MAP2K5: variants seen among roughly 807,000 people sequenced by gnomAD.
MAP2K5 encodes the protein mitogen-activated protein kinase kinase 5.
Under a neutral mutation model 83.1 loss-of-function variants are expected in MAP2K5, and 49 were observed. The observed-to-expected ratio is 0.59, with a 90% CI of 0.47 to 0.75. The LOEUF (loss-of-function observed/expected upper bound fraction) is 0.75, where lower values mean the gene tolerates loss of function less well. Ranked by LOEUF, MAP2K5 falls within the 30% of genes least tolerant of loss-of-function variation. The pLI is 0.00. For synonymous variants in MAP2K5, 202 were observed against 191.8 expected, an observed-to-expected ratio of 1.05 and a Z score of -0.44; for missense variants, 457 against 557.5, an observed-to-expected ratio of 0.82 and a Z score of 1.82.
In MAP2K5 at chr15:67,638,091, T is replaced by G. The variant is rs910616480; in HGVS notation, c.585+7164T>G. Among the ~76,000 whole-genome samples the G allele has an allele frequency of 9.9e-5, 15 of 152,150 alleles. No individual in the cohort carries two copies. Among genetic ancestry groups the G allele is most frequent in the African/African-American group, 3.6e-4 (15 of 41,434 alleles). On this transcript the variant is annotated intron_variant, in intron 9 of 21. Transcript: ENST00000178640. The surrounding 1 kb of genome is among the most constrained non-coding windows in gnomAD (Gnocchi z 4.5). The stretch of plus-strand genomic sequence containing the variant: ...TAATTTAACTTTTTTAATTTAACTT[T>G]TAAGGGGTACATGTGCAGGTTTGTT...
intron 8 of MAP2K5, among the ~76,000 whole-genome samples, chr15:67,626,946 T>A (rs942745167): frequency 6.6e-5 from 10 of 152,010 alleles, no homozygotes; most frequent in African/African-American, 2.4e-4. Context: ...ATTTTCTATA[T>A]CTTTGAGACA....
intron 3 of MAP2K5, among the ~76,000 whole-genome samples, chr15:67,579,399 T>C (rs1460408709): frequency 3.3e-5 from 5 of 152,220 alleles, no homozygotes; most frequent in Non-Finnish European, 7.3e-5. Flanking sequence ...TGGCGAGTGC[T>C]GTATTTCTGT....
intron 20 of MAP2K5, among the ~76,000 whole-genome samples, chr15:67,771,299 C>T (rs1466903914): frequency 6.6e-6 from 1 of 152,194 alleles, no homozygotes; most frequent in African/African-American, 2.4e-5. Flanking sequence ...GCATCACCCT[C>T]TCTGCTCCGG....
rs1421580678 is a variant in MAP2K5, at chr15:67,573,173, G to A, written c.253-7581G>A. ...TGGGAATGTAGCCCGGGAAGTCCCA[G>A]CCTCATTTTTCCTAGCCCTCACTCA... On this transcript the variant is annotated intron_variant, in intron 3 of 21. Coordinates refer to ENST00000178640, the MANE Select transcript of MAP2K5 (RefSeq NM_145160.3). The surrounding 1 kb of genome is among the most constrained non-coding windows in gnomAD (Gnocchi z 4.2). 6.6e-6 allele frequency among the ~76,000 whole-genome samples: 1 copy of A among 152,100 alleles called. No individual in the cohort carries two copies. Among genetic ancestry groups the A allele is most frequent in the African/African-American group, 2.4e-5 (1 of 41,394 alleles).
intron 17 of MAP2K5, among the ~76,000 whole-genome samples, chr15:67,732,511 T>G (rs908160318): frequency 6.6e-6 from 1 of 152,182 alleles, no homozygotes; most frequent in Non-Finnish European, 1.5e-5. Flanking sequence ...TTGGCTGCAG[T>G]TCCTGATCTT....
intron 8 of MAP2K5, chr15:67,627,721 C>T (rs2086360081): frequency 4.1e-6 from 1 of 245,820 alleles, no homozygotes; most frequent in African/African-American, 2.3e-5. Context: ...TAGAATGTAC[C>T]CTTAAAACAA....
chr15:67,592,303 A>G (rs753759520), intron 6 of MAP2K5, among the ~76,000 whole-genome samples: 22 of 152,174 alleles, frequency 1.4e-4, no homozygotes, highest in Admixed American at 1.2e-3. Context: ...GCTATGGACA[A>G]GACACAGTGC....
At chr15:67,560,436 A>G (rs952075971) in intron 2 of MAP2K5, among the ~76,000 whole-genome samples, 2 of 152,254 alleles carry the variant, frequency 1.3e-5, no homozygotes, top group African/African-American at 4.8e-5. Context: ...GAAAACCAAT[A>G]CCTATATAAA....
At chr15:67,680,167 A>G (rs149152302) in intron 13 of MAP2K5, among the ~76,000 whole-genome samples, 6 of 152,132 alleles carry the variant, frequency 3.9e-5, no homozygotes, top group Non-Finnish European at 5.9e-5. Context: ...ATTCCTTTTT[A>G]TTGTTGAATA....
At chr15:67,700,429 A>G (rs548947823) in intron 15 of MAP2K5, among the ~76,000 whole-genome samples, 1 of 152,350 alleles carries the variant, frequency 6.6e-6, no homozygotes, top group East Asian at 1.9e-4. Flanking sequence ...CACACTGATG[A>G]CAGCTGTCAT....
Position 67,668,280 on chromosome 15 carries a change from T to C in MAP2K5, c.847+3635T>C, listed in dbSNP as rs2087437573. 6.6e-6 allele frequency among the ~76,000 whole-genome samples: 1 copy of C among 152,184 alleles called. No individual in the cohort carries two copies. Among genetic ancestry groups the C allele is most frequent in the East Asian group, 1.9e-4 (1 of 5,200 alleles). ...GCCAGGGAGAGAGTTTATTATACTT[T>C]ATATTACTGAGTCAAAAATTATGAA... On this transcript the variant is annotated intron_variant, in intron 13 of 21. Coordinates refer to ENST00000178640, the MANE Select transcript of MAP2K5 (RefSeq NM_145160.3). This position sits in a 1 kb window ranked among gnomAD's most constrained non-coding sequence, Gnocchi z 4.0.
At chr15:67,553,919 CAAAAAAAAAA>C (rs71142378) in intron 2 of MAP2K5, among the ~76,000 whole-genome samples, 1 of 80,102 alleles carries the variant, frequency 1.2e-5, no homozygotes, top group African/African-American at 5.1e-5. Flanking sequence ...GACTCCATCT[CAAAAAAAAAA>C]AAAAAAAAAA....
At chr15:67,553,181 G>T (rs1293870141) in intron 2 of MAP2K5, among the ~76,000 whole-genome samples, 1 of 152,120 alleles carries the variant, frequency 6.6e-6, no homozygotes, top group Non-Finnish European at 1.5e-5. Flanking sequence ...TACCTGTGAG[G>T]AAACGAAGCT....
intron 19 of MAP2K5, among the ~76,000 whole-genome samples, chr15:67,751,230 T>C (rs2089711944): frequency 6.6e-6 from 1 of 151,646 alleles, no homozygotes. Context: ...ACCATGAAAC[T>C]CAGACCACAG....
intron 16 of MAP2K5, among the ~76,000 whole-genome samples, chr15:67,710,213 G>A (rs751231096): frequency 6.6e-6 from 1 of 152,098 alleles, no homozygotes; most frequent in Non-Finnish European, 1.5e-5. Context: ...CTTTTCACTT[G>A]GATCTTCATT....
At chr15:67,633,557 A>G (rs1291716870) in intron 9 of MAP2K5, among the ~76,000 whole-genome samples, 2 of 152,248 alleles carry the variant, frequency 1.3e-5, no homozygotes, top group East Asian at 1.9e-4. Flanking sequence ...GGACATATTT[A>G]CAGAATAGCT....
rs1297268198 is a variant in MAP2K5 at position 67,778,273 on chromosome 15, T to C, written c.1242+5521T>C. On this transcript the variant is annotated intron_variant, in intron 21 of 21. Transcript: ENST00000178640. The surrounding 1 kb of genome is among the most constrained non-coding windows in gnomAD (Gnocchi z 5.0). ...CATTTTCAGATAGTATGGTTGGTTG[T>C]TCTCTCAATTAATCAAGGTATATGA... Among the ~76,000 whole-genome samples, 2 of 152,362 alleles carry C rather than the reference T, an allele frequency of 1.3e-5. No individual in the cohort carries two copies. Among genetic ancestry groups the C allele is most frequent in the East Asian group, 3.9e-4 (2 of 5,194 alleles).
chr15:67,751,967 C>T (rs1048741257), intron 19 of MAP2K5, among the ~76,000 whole-genome samples: 7 of 152,176 alleles, frequency 4.6e-5, no homozygotes, highest in Admixed American at 2.0e-4. Context: ...TTGTGATTGC[C>T]TCTGTTCTCT....
At chr15:67,635,503 A>T (rs1271395858) in intron 9 of MAP2K5, among the ~76,000 whole-genome samples, 1 of 152,176 alleles carries the variant, frequency 6.6e-6, no homozygotes, top group Non-Finnish European at 1.5e-5. Flanking sequence ...AAAGACATTT[A>T]AAAAGTAAGA....
Sources: allele counts gnomAD v4.1 joint callset (sites outside exome capture counted in the v4.1 genomes callset), GRCh38; gene constraint gnomAD v4.1.1; non-coding constraint Gnocchi (gnomAD v3.1); transcripts MANE v1.5; gene names NCBI Gene and HGNC (gene_info 2026-07-23, HGNC 2026-07-21).